Variants in PKIG observed in about 807,000 individuals in gnomAD.
PKIG encodes the protein cAMP-dependent protein kinase inhibitor gamma, also known as protein kinase (cAMP-dependent, catalytic) inhibitor gamma.
In PKIG, 1 loss-of-function variant was observed where a neutral mutation model predicts 6.8. The ratio of observed to expected loss-of-function variants is 0.15; its 90% CI spans 0.05 to 0.69. The LOEUF is 0.69. PKIG is among the 30% of genes least tolerant of loss of function. The pLI is 0.82. For missense variants in PKIG, 77 were observed against 104.0 expected, an observed-to-expected ratio of 0.74 and a Z score of 1.13; for synonymous variants, 39 against 43.0, an observed-to-expected ratio of 0.91 and a Z score of 0.36.
chr20:44,566,050 C>T (rs1245413650), intron 1 of PKIG, among the ~76,000 whole-genome samples: 1 of 152,222 alleles, frequency 6.6e-6, no homozygotes, highest in Non-Finnish European at 1.5e-5. Flanking sequence ...GCGTGAGCCA[C>T]CACACCCAGC....
chr20:44,565,120 T>C (rs2064799463), intron 1 of PKIG, among the ~76,000 whole-genome samples: 1 of 152,242 alleles, frequency 6.6e-6, no homozygotes, highest in Non-Finnish European at 1.5e-5. Context: ...AAAATTACCT[T>C]TCTCACCATT....
rs144338959 is a variant in PKIG, at chr20:44,602,427, T to C, written c.-23-12107T>C. ...TACTTGTGCAGTGCCTTTTTCTCTTTACACATTGTAAATATCTTTTTTAGT... is the reference window on the plus strand; with the variant it reads ...TACTTGTGCAGTGCCTTTTTCTCTTCACACATTGTAAATATCTTTTTTAGT... On this transcript the variant is annotated intron_variant, in intron 2 of 3. Coordinates refer to ENST00000372886, the MANE Select transcript of PKIG (RefSeq NM_001281445.2). Among the ~76,000 whole-genome samples, 220 of 152,362 alleles carry C rather than the reference T, an allele frequency of 1.4e-3. 1 individual carries two copies. Among genetic ancestry groups the C allele is most frequent in the African/African-American group, 5.1e-3 (211 of 41,576 alleles).
chr20:44,588,966 A>C (rs1002018521), intron 1 of PKIG, among the ~76,000 whole-genome samples: 54 of 152,208 alleles, frequency 3.5e-4, no homozygotes, highest in African/African-American at 1.3e-3. Flanking sequence ...GATAATGTAC[A>C]AAGTGAAAGT....
chr20:44,602,443 C>A (rs776005900), intron 2 of PKIG, among the ~76,000 whole-genome samples: 2 of 152,186 alleles, frequency 1.3e-5, no homozygotes, highest in Non-Finnish European at 2.9e-5. Context: ...TTGTAAATAT[C>A]TTTTTTAGTT....
intron 1 of PKIG, among the ~76,000 whole-genome samples, chr20:44,540,360 A>ATATT (rs1477595871): frequency 6.6e-6 from 1 of 152,180 alleles, no homozygotes; most frequent in Non-Finnish European, 1.5e-5. Context: ...ATAATACAGT[A>ATATT]TATTGATCCA....
intron 1 of PKIG, among the ~76,000 whole-genome samples, chr20:44,541,957 G>A (rs1394733340): frequency 6.6e-6 from 1 of 152,022 alleles, no homozygotes; most frequent in South Asian, 2.1e-4. Context: ...CCAAAGTGCT[G>A]GGATTATAGG....
intron 1 of PKIG, among the ~76,000 whole-genome samples, chr20:44,547,786 G>T (rs145326225): frequency 9.0e-4 from 137 of 152,250 alleles, no homozygotes; most frequent in African/African-American, 3.2e-3. Flanking sequence ...TGTAATCCCA[G>T]CAGTTTGGGA....
At chr20:44,581,360 CTCACAA>C (rs1432869770), upstream of PKIG, among the ~76,000 whole-genome samples, 1 of 152,042 alleles carries the variant, frequency 6.6e-6, no homozygotes, top group Non-Finnish European at 1.5e-5. Flanking sequence ...TTTTTTAATT[CTCACAA>C]TCCTAAAACA....
At chr20:44,554,722 T>C (rs898978956) in intron 1 of PKIG, among the ~76,000 whole-genome samples, 5 of 152,132 alleles carry the variant, frequency 3.3e-5, no homozygotes, top group Non-Finnish European at 5.9e-5. Flanking sequence ...CTAAGTGCTT[T>C]GTAAGATCCA....
intron 2 of PKIG, among the ~76,000 whole-genome samples, chr20:44,607,341 GTATA>G (rs1213724066): frequency 7.6e-5 from 11 of 145,194 alleles, no homozygotes; most frequent in Admixed American, 1.4e-4. Context: ...GTTTGTGTGT[GTATA>G]TGTGTGTGTG....
At chr20:44,536,035 T>A (rs1054646897) in intron 1 of PKIG, among the ~76,000 whole-genome samples, 5 of 152,230 alleles carry the variant, frequency 3.3e-5, no homozygotes, top group African/African-American at 1.2e-4. Context: ...TTACTCTGGA[T>A]ACATCGTGTT....
chr20:44,582,950 A>T (rs547425630), intron 1 of PKIG, among the ~76,000 whole-genome samples: 1 of 152,214 alleles, frequency 6.6e-6, no homozygotes, highest in Admixed American at 6.5e-5. Context: ...CTCCATTCAG[A>T]TGCTGTTTCA....
Position 44,558,574 on chromosome 20 carries a change from T to TCTTTTTTTCTTTCTTTC in PKIG, c.-240-24011_-240-24010insCTTTTTTTCTTTCTTTC, listed in dbSNP as rs1555835144. 1.1e-3 allele frequency among the ~76,000 whole-genome samples: 141 copies of TCTTTTTTTCTTTCTTTC among 132,000 alleles called. 1 individual carries two copies. The highest frequency in any genetic ancestry group is 4.2e-3 in the African/African-American group (137 of 32,424). The allele number at this position is 132,000 out of a possible 152,430, so 86.6% of individuals were successfully genotyped here. A position where few individuals can be genotyped will look rare whatever the true frequency, so the allele number is the denominator to read the frequency against. On this transcript the variant is annotated intron_variant, in intron 1 of 4. Coordinates refer to the PKIG transcript ENST00000372887. ...ATTTCTTTTTCTTTCTTTTTTTCTT[T>TCTTTTTTTCTTTCTTTC]TTTCTTTCTTTCTTTCTTTCTTTCT...
At chr20:44,568,033 C>T (rs2064824371) in intron 1 of PKIG, among the ~76,000 whole-genome samples, 1 of 152,128 alleles carries the variant, frequency 6.6e-6, no homozygotes, top group Admixed American at 6.6e-5. Flanking sequence ...GTAGTCCCAG[C>T]TATTCAGGAA....
chr20:44,556,665 T>C (rs2064716436), intron 1 of PKIG, among the ~76,000 whole-genome samples: 1 of 151,710 alleles, frequency 6.6e-6, no homozygotes, highest in African/African-American at 2.4e-5. Flanking sequence ...GCCTGGCCAA[T>C]AGTAGTAAGT....
At chr20:44,577,815 A>G (rs897531311), upstream of PKIG, among the ~76,000 whole-genome samples, 1 of 152,126 alleles carries the variant, frequency 6.6e-6, no homozygotes, top group Non-Finnish European at 1.5e-5. Context: ...ATACTCCTTC[A>G]ACAGATATCC....
intron 1 of PKIG, among the ~76,000 whole-genome samples, chr20:44,575,720 C>T (rs2064891241): frequency 6.6e-6 from 1 of 152,164 alleles, no homozygotes; most frequent in Admixed American, 6.5e-5. Flanking sequence ...CTCGATCAAT[C>T]CTAGGCAGTT....
chr20:44,588,013 G>A (rs1260840088), intron 1 of PKIG, among the ~76,000 whole-genome samples: 8 of 152,060 alleles, frequency 5.3e-5, no homozygotes, highest in Admixed American at 3.3e-4. Flanking sequence ...GCTCATGGCC[G>A]GATAGGAAAA....
At chr20:44,575,336 T>C (rs1033005662) in intron 1 of PKIG, among the ~76,000 whole-genome samples, 1 of 152,172 alleles carries the variant, frequency 6.6e-6, no homozygotes, top group South Asian at 2.1e-4. Context: ...CTCCTGCCTC[T>C]GCCTCCGGAG....
Sources: gnomAD v4.1 joint callset for allele counts (sites outside exome capture counted in the v4.1 genomes callset) on GRCh38, gnomAD v4.1.1 for gene constraint, MANE v1.5 for transcripts, NCBI Gene and HGNC (gene_info 2026-07-23, HGNC 2026-07-21) for gene names.